Variants in CCDC91 observed in about 807,000 individuals in gnomAD.
CCDC91 encodes coiled-coil domain-containing protein 91.
Under a neutral mutation model 63.2 loss-of-function variants are expected in CCDC91, and 48 were observed. The ratio of observed to expected loss-of-function variants is 0.76; its 90% CI spans 0.60 to 0.97. The LOEUF (loss-of-function observed/expected upper bound fraction) is 0.97, where lower values mean the gene tolerates loss of function less well. Among genes scored for constraint, CCDC91 ranks in the 50% least tolerant of loss-of-function variants. CCDC91 has a pLI of 0.00. For missense variants in CCDC91, 500 were observed against 494.6 expected (o/e 1.01, Z -0.10); for synonymous variants, 167 against 165.8 (o/e 1.01, Z -0.06).
chr12:28,304,418 A>G (rs1434607681), intron 3 of CCDC91, among the ~76,000 whole-genome samples: 2 of 148,496 alleles, frequency 1.3e-5, no homozygotes, highest in Non-Finnish European at 3.0e-5. Flanking sequence ...AAAAAAAAGA[A>G]AAAAAGAAAT....
At chr12:28,362,798 A>G (rs983170305) in intron 7 of CCDC91, among the ~76,000 whole-genome samples, 2 of 152,184 alleles carry the variant, frequency 1.3e-5, no homozygotes, top group Non-Finnish European at 2.9e-5. Context: ...TAGTTGCTAG[A>G]TTATCTTTTT....
At chr12:28,514,862 A>G (rs1425775767) in intron 12 of CCDC91, among the ~76,000 whole-genome samples, 2 of 151,600 alleles carry the variant, frequency 1.3e-5, no homozygotes, top group Non-Finnish European at 3.0e-5. Context: ...GCTGTGACCT[A>G]CTAGAGGGTA....
chr12:28,498,647 A>G (rs1344483673), intron 12 of CCDC91, among the ~76,000 whole-genome samples: 1 of 151,672 alleles, frequency 6.6e-6, no homozygotes, highest in Non-Finnish European at 1.5e-5. Context: ...CCCAGTATAA[A>G]TTAGCTATCT....
At chr12:28,321,399 T>G (rs1177197409) in intron 6 of CCDC91, among the ~76,000 whole-genome samples, 1 of 151,814 alleles carries the variant, frequency 6.6e-6, no homozygotes, top group Non-Finnish European at 1.5e-5. Flanking sequence ...AATAGTGCCT[T>G]GCACATAAAA....
intron 6 of CCDC91, among the ~76,000 whole-genome samples, chr12:28,326,268 T>C (rs1940985894): frequency 6.6e-6 from 1 of 152,134 alleles, no homozygotes; most frequent in Non-Finnish European, 1.5e-5. Context: ...CGGTTCGTTT[T>C]TGAGCAAGAC....
At chr12:28,483,985 T>C (rs1951582840) in intron 11 of CCDC91, 67 bp from the exon 12 acceptor site, 1 of 859,002 alleles carries the variant, frequency 1.2e-6, no homozygotes, top group African/African-American at 1.7e-5. Flanking sequence ...GTTTAGTTTA[T>C]ATGAAATGGA....
intron 1 of CCDC91, among the ~76,000 whole-genome samples, chr12:28,247,497 A>G (rs1241809219): frequency 6.7e-6 from 1 of 148,584 alleles, no homozygotes; most frequent in Non-Finnish European, 1.5e-5. Context: ...AAAAAAAAAA[A>G]GAATTTTTAC....
At chr12:28,244,452 A>T (rs1427143080) in intron 1 of CCDC91, among the ~76,000 whole-genome samples, 1 of 129,844 alleles carries the variant, frequency 7.7e-6, no homozygotes, top group Non-Finnish European at 1.6e-5. Flanking sequence ...TATTATGCTT[A>T]TGAATTCTGA....
chr12:28,246,899 G>A (rs1945776534), intron 1 of CCDC91, among the ~76,000 whole-genome samples: 1 of 152,188 alleles, frequency 6.6e-6, no homozygotes, highest in Non-Finnish European at 1.5e-5. Flanking sequence ...TGACTGAAAA[G>A]AACAGATTGA....
intron 6 of CCDC91, among the ~76,000 whole-genome samples, chr12:28,334,232 A>T (rs924467679): frequency 1.3e-5 from 2 of 152,064 alleles, no homozygotes; most frequent in African/African-American, 4.8e-5. Flanking sequence ...GTGCTTGCAG[A>T]TATGGATATC....
chr12:28,479,156 A>T (rs953723803), intron 11 of CCDC91, among the ~76,000 whole-genome samples: 3 of 152,192 alleles, frequency 2.0e-5, no homozygotes, highest in African/African-American at 7.2e-5. Context: ...ATAAAGACAC[A>T]TGCACATGTA....
intron 6 of CCDC91, among the ~76,000 whole-genome samples, chr12:28,327,118 A>C (rs960061435): frequency 2.0e-5 from 3 of 151,912 alleles, no homozygotes; most frequent in Non-Finnish European, 4.4e-5. Context: ...AATACTTGTC[A>C]TAGTGATATA....
intron 12 of CCDC91, among the ~76,000 whole-genome samples, chr12:28,495,810 G>A (rs1462523863): frequency 1.3e-5 from 2 of 151,604 alleles, no homozygotes; most frequent in East Asian, 1.9e-4. Flanking sequence ...GGTAATAGAA[G>A]TATCCAAATG....
At chr12:28,200,818 G>A (rs1942182836) in intron 1 of CCDC91, among the ~76,000 whole-genome samples, 1 of 151,840 alleles carries the variant, frequency 6.6e-6, no homozygotes, top group Admixed American at 6.5e-5. Context: ...TGGTGGCCGG[G>A]CAGAGGGGCT....
chr12:28,522,684 C>A (rs927347195), intron 12 of CCDC91, among the ~76,000 whole-genome samples: 3 of 152,150 alleles, frequency 2.0e-5, no homozygotes, highest in South Asian at 2.1e-4. Flanking sequence ...AATTTTAGAT[C>A]TTTCCTCCTT....
intron 7 of CCDC91, among the ~76,000 whole-genome samples, chr12:28,385,538 T>C (rs1945545848): frequency 6.6e-6 from 1 of 152,204 alleles, no homozygotes; most frequent in Non-Finnish European, 1.5e-5. Context: ...ATCTTTATAT[T>C]GTTCTCCATT....
At chr12:28,305,617 C>T in intron 3 of CCDC91, 32 bp from the exon 4 acceptor site, 2 of 1,582,752 alleles carry the variant, frequency 1.3e-6, no homozygotes, top group East Asian at 2.3e-5. Flanking sequence ...TTTAATAATC[C>T]TATCCTTTTT....
At chr12:28,341,035 C>T (rs1266333297) in intron 6 of CCDC91, among the ~76,000 whole-genome samples, 1 of 152,102 alleles carries the variant, frequency 6.6e-6, no homozygotes, top group Non-Finnish European at 1.5e-5. Flanking sequence ...GTGATGCGGG[C>T]TTTCTTCTGT....
intron 7 of CCDC91, among the ~76,000 whole-genome samples, chr12:28,366,666 A>G (rs1944295050): frequency 6.6e-6 from 1 of 152,116 alleles, no homozygotes; most frequent in African/African-American, 2.4e-5. Context: ...TTCTGCCCTA[A>G]GCTGGCGTTG....
Sources: allele counts gnomAD v4.1 joint callset (sites outside exome capture counted in the v4.1 genomes callset), GRCh38; gene constraint gnomAD v4.1.1; transcripts MANE v1.5; gene names NCBI Gene and HGNC (gene_info 2026-07-23, HGNC 2026-07-21).